The following MGAT5 variants were observed in gnomAD, a reference collection of about 807,000 sequenced individuals.
MGAT5 encodes alpha-1,6-mannosylglycoprotein 6-beta-N-acetylglucosaminyltransferase.
A neutral mutation model predicts 94.3 loss-of-function variants in MGAT5; 30 were observed. The observed-to-expected ratio is 0.32, with a 90% confidence interval of 0.24 to 0.43. The LOEUF (loss-of-function observed/expected upper bound fraction) is 0.43, where lower values mean the gene tolerates loss of function less well. Ranked by LOEUF, MGAT5 falls within the 20% of genes least tolerant of loss-of-function variation. MGAT5 has a pLI of 1.00. For synonymous variants in MGAT5, 310 were observed against 322.9 expected (o/e 0.96, Z 0.43); for missense variants, 691 against 905.5 (o/e 0.76, Z 3.04).
At chr2:134,136,601 A>G (rs1686421664) in intron 1 of MGAT5, among the ~76,000 whole-genome samples, 1 of 152,174 alleles carries the variant, frequency 6.6e-6, no homozygotes, top group African/African-American at 2.4e-5. Flanking sequence ...ATAAATAAAT[A>G]TAAAAAATAT....
chr2:134,278,915 C>T (rs1162001757), intron 2 of MGAT5, among the ~76,000 whole-genome samples: 1 of 152,166 alleles, frequency 6.6e-6, no homozygotes, highest in African/African-American at 2.4e-5. Context: ...CCCTCACATC[C>T]CAGAGGTTTG....
intron 2 of MGAT5, among the ~76,000 whole-genome samples, chr2:134,286,255 C>T (rs1414097055): frequency 6.6e-5 from 10 of 152,190 alleles, no homozygotes; most frequent in African/African-American, 2.4e-4. Context: ...GCTGGCCTGG[C>T]TGCATCCTGG....
Position 134,269,316 on chromosome 2 carries a change from G to A in MGAT5, c.242-1070G>A, listed in dbSNP as rs962021326. On this transcript the variant is annotated intron_variant, in intron 1 of 15. Transcript: ENST00000281923. Reference sequence around the variant, plus strand: ...AGCATGTGTGTTTATTTCATGGCCAGATTACCGCATCTGCTCAGGGACAAG... The same window carrying A: ...AGCATGTGTGTTTATTTCATGGCCAAATTACCGCATCTGCTCAGGGACAAG... Among the ~76,000 whole-genome samples the A allele has an allele frequency of 1.3e-5, 2 of 152,288 alleles. 1 individual carries two copies.
chr2:134,154,330 C>T (rs368596445), intron 1 of MGAT5, among the ~76,000 whole-genome samples: 5 of 152,198 alleles, frequency 3.3e-5, no homozygotes, highest in Admixed American at 1.3e-4. Context: ...CGAGAGGCTG[C>T]GACTTATTTA....
At chr2:134,424,820 T>C (rs1184498291) in intron 13 of MGAT5, among the ~76,000 whole-genome samples, 1 of 152,246 alleles carries the variant, frequency 6.6e-6, no homozygotes, top group Non-Finnish European at 1.5e-5. Flanking sequence ...AGGCATTTCT[T>C]GGCTTGCAGC....
At chr2:134,403,185 T>C in intron 11 of MGAT5, 48 bp downstream of exon 11, 1 of 1,531,032 alleles carries the variant, frequency 6.5e-7, no homozygotes, top group East Asian at 2.4e-5. Flanking sequence ...CCATTGGCTG[T>C]GAAAATGGGA....
intron 1 of MGAT5, among the ~76,000 whole-genome samples, chr2:134,239,690 G>A (rs72999405): frequency 0.084 from 12,671 of 151,672 alleles, 571 homozygotes; most frequent in East Asian, 0.14. Flanking sequence ...TGCCATGTAT[G>A]TCCTGGGGAT....
intron 1 of MGAT5, among the ~76,000 whole-genome samples, chr2:134,227,003 G>T (rs1681101014): frequency 6.7e-6 from 1 of 148,406 alleles, no homozygotes; most frequent in Non-Finnish European, 1.5e-5. Context: ...CAGAAACTCA[G>T]ATTTTTATGT....
intron 1 of MGAT5, among the ~76,000 whole-genome samples, chr2:134,141,774 A>G (rs946688590): frequency 3.3e-5 from 5 of 152,214 alleles, no homozygotes; most frequent in Non-Finnish European, 5.9e-5. Flanking sequence ...CAACTCCAGC[A>G]TTGCTGGCAG....
intron 10 of MGAT5, among the ~76,000 whole-genome samples, chr2:134,395,213 G>A (rs1682637938): frequency 6.6e-6 from 1 of 152,218 alleles, no homozygotes; most frequent in South Asian, 2.1e-4. Context: ...AACCAGCTCT[G>A]CAATTTGAAG....
At chr2:134,137,388 T>C (rs903025927) in intron 1 of MGAT5, among the ~76,000 whole-genome samples, 1 of 152,216 alleles carries the variant, frequency 6.6e-6, no homozygotes, top group Non-Finnish European at 1.5e-5. Flanking sequence ...GCTCTGCCGC[T>C]GCTGTACCTG....
In MGAT5 at chr2:134,189,602, G is replaced by GTTGTTTTTTTTTTTTTTTTTT. The variant is rs1689232395; in HGVS notation, c.-142-64658_-142-64657insGTTTTTTTTTTTTTTTTTTTT. On this transcript the variant is annotated intron_variant, in intron 1 of 16. Coordinates refer to the MGAT5 transcript ENST00000409645. ...AACCTCATGGCTCTAGTTTTTTTTT[G>GTTGTTTTTTTTTTTTTTTTTT]TTTTTTTTTTTTTTTTTTAAGACAG... 9.6e-4 allele frequency among the ~76,000 whole-genome samples: 81 copies of GTTGTTTTTTTTTTTTTTTTTT among 84,642 alleles called. 3 individuals are homozygous for GTTGTTTTTTTTTTTTTTTTTT. The highest frequency in any genetic ancestry group is 3.7e-3 in the African/African-American group (78 of 20,986). 55.5% of individuals were successfully genotyped at this position (84,642 alleles called of 152,430 possible).
intron 13 of MGAT5, among the ~76,000 whole-genome samples, chr2:134,424,177 T>C (rs540836085): frequency 6.6e-6 from 1 of 152,202 alleles, no homozygotes; most frequent in South Asian, 2.1e-4. Flanking sequence ...AAGCACAGTG[T>C]GACTGAAAGG....
chr2:134,406,048 G>T lies in MGAT5; in HGVS notation c.1530+2911G>T, dbSNP rs572694842. Among the ~76,000 whole-genome samples, 3 of 152,338 alleles carry T rather than the reference G, an allele frequency of 2.0e-5. No individual in the cohort carries two copies. The East Asian group carries it at 5.8e-4, about 29-fold the overall frequency. On this transcript the variant is annotated intron_variant, in intron 11 of 15. Transcript: ENST00000281923. ...GAGTCATTCAGTCCAGCAAACCCCAGGAGTGCAGTTTAAGCCAGCAAATCA... is the reference window on the plus strand; with the variant it reads ...GAGTCATTCAGTCCAGCAAACCCCATGAGTGCAGTTTAAGCCAGCAAATCA...
At chr2:134,304,565 A>G (rs1001881709) in intron 2 of MGAT5, among the ~76,000 whole-genome samples, 4 of 152,202 alleles carry the variant, frequency 2.6e-5, no homozygotes, top group African/African-American at 9.6e-5. Flanking sequence ...GATGAATAGC[A>G]TTCCAGGATT....
In MGAT5 at chr2:134,381,369, A is replaced by AGATAGATAGATAGAT. The variant is rs1553457670; in HGVS notation, c.1380+18961_1380+18962insGATAGATAGATAGAT. 1.1e-3 allele frequency among the ~76,000 whole-genome samples: 62 copies of AGATAGATAGATAGAT among 55,150 alleles called. 1 individual carries two copies. The highest frequency in any genetic ancestry group is 3.6e-3 in the African/African-American group (52 of 14,440). The allele number at this position is 55,150 out of a possible 152,430, so 36.2% of individuals were successfully genotyped here. A position where few individuals can be genotyped will look rare whatever the true frequency, so the allele number is the denominator to read the frequency against. ...TAGATAGATAGATAGATAGATAGAT[A>AGATAGATAGATAGAT]AGATAAGATAGATTAGATAGATAGA... On this transcript the variant is annotated intron_variant, in intron 10 of 15. Coordinates refer to ENST00000281923, the MANE Select transcript of MGAT5 (RefSeq NM_002410.5).
At chr2:134,165,062 G>A (rs941193808) in intron 1 of MGAT5, among the ~76,000 whole-genome samples, 2 of 152,200 alleles carry the variant, frequency 1.3e-5, no homozygotes, top group African/African-American at 4.8e-5. Flanking sequence ...TGATGGAAGT[G>A]TTCTGTATCT....
chr2:134,124,747 G>A (rs1455624196), intron 1 of MGAT5, among the ~76,000 whole-genome samples: 1 of 152,190 alleles, frequency 6.6e-6, no homozygotes, highest in African/African-American at 2.4e-5. Context: ...GTTAACTACT[G>A]GTGCTTGCAA....
chr2:134,376,074 G>A lies in MGAT5; in HGVS notation c.1380+13666G>A, dbSNP rs141577283. ...TAGTGATCTTCCAGGTTCTCAAGGC[G>A]TGCTAAGGTTTGGCCAGGCCTCCAG... On this transcript the variant is annotated intron_variant, in intron 10 of 15. Transcript: ENST00000281923. Among the ~76,000 whole-genome samples, 503 of 152,268 alleles carry A rather than the reference G, an allele frequency of 3.3e-3. 1 individual carries two copies. Among genetic ancestry groups the A allele is most frequent in the African/African-American group, 0.012 (478 of 41,552 alleles).
Sources: gnomAD v4.1 joint callset for allele counts (sites outside exome capture counted in the v4.1 genomes callset) on GRCh38, gnomAD v4.1.1 for gene constraint, MANE v1.5 for transcripts, NCBI Gene and HGNC (gene_info 2026-07-23, HGNC 2026-07-21) for gene names.